The following CNTN4 variants were observed in gnomAD, a reference collection of about 807,000 sequenced individuals.
CNTN4 encodes contactin 4.
In CNTN4, 77 loss-of-function variants were observed where a neutral mutation model predicts 122.5. The observed-to-expected ratio is 0.63, with a 90% confidence interval of 0.52 to 0.76. The LOEUF is 0.76. Among genes scored for constraint, CNTN4 ranks in the 30% least tolerant of loss-of-function variants. The pLI is 0.00. For missense variants in CNTN4, 1,256 were observed against 1,259.1 expected, an observed-to-expected ratio of 1.00 and a Z score of 0.04; for synonymous variants, 512 against 447.0, an observed-to-expected ratio of 1.15 and a Z score of -1.83.
intron 4 of CNTN4, among the ~76,000 whole-genome samples, chr3:2,642,309 G>A (rs1028472689): frequency 4.6e-5 from 7 of 152,160 alleles, no homozygotes; most frequent in African/African-American, 7.2e-5. Flanking sequence ...TATTCCGGCT[G>A]CACTGGCAGC....
intron 4 of CNTN4, among the ~76,000 whole-genome samples, chr3:2,587,033 C>G (rs1285590448): frequency 1.3e-5 from 2 of 152,110 alleles, no homozygotes; most frequent in Non-Finnish European, 2.9e-5. Context: ...CCTTCAAACC[C>G]CAGCTGTTCA....
intron 2 of CNTN4, among the ~76,000 whole-genome samples, chr3:2,219,517 C>A (rs1165675875): frequency 6.6e-6 from 1 of 152,032 alleles, no homozygotes; most frequent in African/African-American, 2.4e-5. Context: ...TATGTTGAGG[C>A]CCCCTCAGTT....
chr3:2,474,159 T>G (rs1184927773), intron 3 of CNTN4, among the ~76,000 whole-genome samples: 1 of 152,190 alleles, frequency 6.6e-6, no homozygotes, highest in Non-Finnish European at 1.5e-5. Flanking sequence ...AGATACCCTT[T>G]CTATGCTGTT....
intron 4 of CNTN4, among the ~76,000 whole-genome samples, chr3:2,677,233 A>T (rs1030187035): frequency 6.7e-6 from 1 of 150,296 alleles, no homozygotes; most frequent in South Asian, 2.1e-4. Flanking sequence ...ATATAGAGAG[A>T]TCTATATACC....
intron 3 of CNTN4, among the ~76,000 whole-genome samples, chr3:2,537,965 C>A (rs6442738): frequency 0.23 from 34,536 of 151,660 alleles, 4,968 homozygotes; most frequent in East Asian, 0.54. Context: ...CCCCTACCCC[C>A]AAAATTCATC....
intron 3 of CNTN4, among the ~76,000 whole-genome samples, chr3:2,352,837 T>G (rs1000494950): frequency 3.9e-5 from 6 of 152,192 alleles, no homozygotes; most frequent in African/African-American, 1.4e-4. Context: ...CTGCTGAGTT[T>G]TTGATGGGGA....
At chr3:2,617,298 A>G (rs1462288749) in intron 4 of CNTN4, among the ~76,000 whole-genome samples, 1 of 152,198 alleles carries the variant, frequency 6.6e-6, no homozygotes, top group African/African-American at 2.4e-5. Context: ...TTTTCAAGAA[A>G]AAAACAACCC....
At chr3:2,557,596 G>A (rs2078772402) in intron 3 of CNTN4, among the ~76,000 whole-genome samples, 3 of 152,028 alleles carry the variant, frequency 2.0e-5, no homozygotes, top group South Asian at 2.1e-4. Flanking sequence ...GGGCGTGGTG[G>A]CGGGCGCCTG....
chr3:3,033,073 A>G (rs891872378), intron 16 of CNTN4, among the ~76,000 whole-genome samples: 1 of 152,236 alleles, frequency 6.6e-6, no homozygotes, highest in South Asian at 2.1e-4. Flanking sequence ...AATTCTTTGA[A>G]GAGTTCAGAG....
At chr3:2,921,128 C>T (rs1033291703) in intron 12 of CNTN4, among the ~76,000 whole-genome samples, 2 of 151,580 alleles carry the variant, frequency 1.3e-5, no homozygotes, top group African/African-American at 4.8e-5. Flanking sequence ...GCCTTGAACT[C>T]CTGAGTTCAA....
intron 2 of CNTN4, among the ~76,000 whole-genome samples, chr3:2,335,457 G>A (rs1300983999): frequency 6.6e-6 from 1 of 151,990 alleles, no homozygotes; most frequent in African/African-American, 2.4e-5. Flanking sequence ...AAAGAAGGTG[G>A]GTAAAATGAA....
intron 15 of CNTN4, among the ~76,000 whole-genome samples, chr3:3,027,327 G>T (rs566261644): frequency 1.3e-5 from 2 of 152,262 alleles, no homozygotes; most frequent in Non-Finnish European, 2.9e-5. Flanking sequence ...AAGTTAATTC[G>T]TTACATCAGT....
At chr3:2,278,386 T>C (rs753273587) in intron 2 of CNTN4, among the ~76,000 whole-genome samples, 5 of 152,186 alleles carry the variant, frequency 3.3e-5, no homozygotes, top group African/African-American at 7.2e-5. Flanking sequence ...ACTGAGAAGG[T>C]AGGAAAGTAA....
intron 4 of CNTN4, among the ~76,000 whole-genome samples, chr3:2,643,027 A>T (rs1307985764): frequency 6.6e-6 from 1 of 152,190 alleles, no homozygotes; most frequent in Non-Finnish European, 1.5e-5. Context: ...TAATCTTTTT[A>T]AAACATTATA....
chr3:2,381,395 T>C (rs2046016538), intron 3 of CNTN4, among the ~76,000 whole-genome samples: 1 of 152,210 alleles, frequency 6.6e-6, no homozygotes, highest in Admixed American at 6.5e-5. Context: ...TAGAACAATG[T>C]ACAGAACAGT....
At chr3:2,554,609 T>C (rs2078645904) in intron 3 of CNTN4, among the ~76,000 whole-genome samples, 1 of 152,184 alleles carries the variant, frequency 6.6e-6, no homozygotes, top group Non-Finnish European at 1.5e-5. Flanking sequence ...TAAATATATA[T>C]ATTTTTTATT....
intron 6 of CNTN4, among the ~76,000 whole-genome samples, chr3:2,783,415 T>A (rs1450553245): frequency 6.6e-6 from 1 of 152,206 alleles, no homozygotes; most frequent in East Asian, 1.9e-4. Context: ...CTCCACACTA[T>A]ACCTATTGTT....
intron 3 of CNTN4, among the ~76,000 whole-genome samples, chr3:2,555,541 C>T (rs1258724158): frequency 6.6e-6 from 1 of 152,112 alleles, no homozygotes; most frequent in Non-Finnish European, 1.5e-5. Flanking sequence ...TGTCAAAGCA[C>T]ATATGAGAAG....
At chr3:2,904,806 T>C (rs2094211811) in intron 12 of CNTN4, among the ~76,000 whole-genome samples, 2 of 152,220 alleles carry the variant, frequency 1.3e-5, no homozygotes. Flanking sequence ...AAAAGTGAGA[T>C]GTGGCCTAAT....
Sources: gnomAD v4.1 joint callset for allele counts (sites outside exome capture counted in the v4.1 genomes callset) on GRCh38, gnomAD v4.1.1 for gene constraint, MANE v1.5 for transcripts, NCBI Gene and HGNC (gene_info 2026-07-23, HGNC 2026-07-21) for gene names.